The following KCNH8 variants were observed in gnomAD, a reference collection of about 807,000 sequenced individuals.
KCNH8 encodes potassium voltage-gated channel subfamily H member 8.
KCNH8 carries 70 observed loss-of-function variants against 103.6 expected under a neutral mutation model. That is an observed-to-expected ratio of 0.68 (90% CI 0.56 to 0.82). KCNH8 has a LOEUF of 0.82. Among genes scored for constraint, KCNH8 ranks in the 40% least tolerant of loss-of-function variants. The pLI is 0.00. For missense variants in KCNH8, 1,217 were observed against 1,329.9 expected (o/e 0.92, Z 1.32); for synonymous variants, 498 against 489.4 (o/e 1.02, Z -0.23).
At chr3:19,193,502 T>A (rs1359057421) in intron 1 of KCNH8, among the ~76,000 whole-genome samples, 1 of 151,710 alleles carries the variant, frequency 6.6e-6, no homozygotes, top group African/African-American at 2.4e-5. Context: ...GATGAATAGA[T>A]AAGACACGAT....
intron 3 of KCNH8, among the ~76,000 whole-genome samples, chr3:19,340,093 A>G (rs936759675): frequency 6.6e-6 from 1 of 152,076 alleles, no homozygotes; most frequent in African/African-American, 2.4e-5. Flanking sequence ...TACTTATTTC[A>G]TAGGATATTT....
At chr3:19,253,135 C>T (rs1219424230) in intron 1 of KCNH8, among the ~76,000 whole-genome samples, 3 of 152,146 alleles carry the variant, frequency 2.0e-5, no homozygotes, top group African/African-American at 7.2e-5. Flanking sequence ...CCCTTTTTAA[C>T]TTACCCTTTA....
intron 1 of KCNH8, among the ~76,000 whole-genome samples, chr3:19,204,221 T>G (rs1323640676): frequency 1.3e-5 from 2 of 152,078 alleles, no homozygotes; most frequent in African/African-American, 4.8e-5. Flanking sequence ...TCTGTCTCTG[T>G]CTTTCCTCTG....
At chr3:19,254,204 A>G (rs1473111821) in intron 2 of KCNH8, among the ~76,000 whole-genome samples, 1 of 152,142 alleles carries the variant, frequency 6.6e-6, no homozygotes, top group Non-Finnish European at 1.5e-5. Context: ...CGTTATGTAT[A>G]ATAGTTATTT....
chr3:19,416,620 G>A (rs948428476), intron 7 of KCNH8, among the ~76,000 whole-genome samples: 10 of 152,082 alleles, frequency 6.6e-5, no homozygotes, highest in South Asian at 2.1e-4. Context: ...CTTCAATAGC[G>A]CTCTTTCTGT....
At chr3:19,366,667 G>A (rs1393334783) in intron 5 of KCNH8, among the ~76,000 whole-genome samples, 2 of 151,770 alleles carry the variant, frequency 1.3e-5, no homozygotes, top group Admixed American at 1.3e-4. Flanking sequence ...TTTTCTTAAA[G>A]TATAAAAAAA....
intron 5 of KCNH8, among the ~76,000 whole-genome samples, chr3:19,360,878 C>CCATTTACAATAATTCCATTG (rs1553641415): frequency 6.6e-6 from 1 of 151,822 alleles, no homozygotes; most frequent in Non-Finnish European, 1.5e-5. Flanking sequence ...TGAGGAAGTA[C>CCATTTACAATAATTCCATTG]AGGCAAATTA....
chr3:19,431,164 A>G (rs538324353), intron 7 of KCNH8, among the ~76,000 whole-genome samples: 150 of 152,190 alleles, frequency 9.9e-4, no homozygotes, highest in African/African-American at 3.4e-3. Flanking sequence ...TTCCTTCAAT[A>G]CTTAGTTTAT....
intron 1 of KCNH8, among the ~76,000 whole-genome samples, chr3:19,152,612 A>ATTT (rs1318581772): frequency 6.6e-6 from 1 of 152,202 alleles, no homozygotes; most frequent in African/African-American, 2.4e-5. Flanking sequence ...GCACTTCTAT[A>ATTT]TAGCCTGTTT....
At chr3:19,325,701 T>C (rs901697054) in intron 3 of KCNH8, among the ~76,000 whole-genome samples, 4 of 152,142 alleles carry the variant, frequency 2.6e-5, no homozygotes, top group Non-Finnish European at 4.4e-5. Flanking sequence ...TTGGTGATGT[T>C]ATGGAGTAAA....
intron 13 of KCNH8, among the ~76,000 whole-genome samples, chr3:19,513,669 C>T (rs2068825580): frequency 6.6e-6 from 1 of 152,204 alleles, no homozygotes; most frequent in South Asian, 2.1e-4. Flanking sequence ...CAATGTTATC[C>T]CCTCAATGCT....
intron 3 of KCNH8, among the ~76,000 whole-genome samples, chr3:19,330,314 C>G (rs1267147919): frequency 6.6e-6 from 1 of 152,148 alleles, no homozygotes; most frequent in Non-Finnish European, 1.5e-5. Context: ...TTATATTCCA[C>G]AAATACTTCC....
At chr3:19,393,873 T>A (rs1225266045) in intron 6 of KCNH8, among the ~76,000 whole-genome samples, 1 of 152,148 alleles carries the variant, frequency 6.6e-6, no homozygotes, top group Admixed American at 6.6e-5. Flanking sequence ...GATATCAATT[T>A]CTACGCTGAG....
chr3:19,390,692 T>A (rs1171933844), intron 6 of KCNH8, 54 bp downstream of exon 6: 9 of 1,538,622 alleles, frequency 5.8e-6, no homozygotes, highest in Non-Finnish European at 4.4e-6. Context: ...ATTTATCGCA[T>A]GTTCAGGTTT....
intron 1 of KCNH8, among the ~76,000 whole-genome samples, chr3:19,217,872 G>A (rs1443098839): frequency 3.9e-5 from 6 of 152,084 alleles, no homozygotes; most frequent in African/African-American, 1.4e-4. Context: ...AGTTTGTTTG[G>A]GACTATGGTA....
chr3:19,226,568 C>G (rs564289866), intron 1 of KCNH8, among the ~76,000 whole-genome samples: 1 of 151,722 alleles, frequency 6.6e-6, no homozygotes, highest in East Asian at 1.9e-4. Flanking sequence ...CTCTCTCTCT[C>G]TGTTTCTTTC....
chr3:19,338,478 C>T (rs1329151123), intron 3 of KCNH8, among the ~76,000 whole-genome samples: 1 of 151,822 alleles, frequency 6.6e-6, no homozygotes, highest in Non-Finnish European at 1.5e-5. Flanking sequence ...TTATTATTGT[C>T]CTTTTTGTGG....
intron 1 of KCNH8, among the ~76,000 whole-genome samples, chr3:19,233,480 C>A (rs1237247718): frequency 6.6e-6 from 1 of 152,004 alleles, no homozygotes; most frequent in Non-Finnish European, 1.5e-5. Context: ...GTTAAATATT[C>A]TTTCATGAAT....
At chr3:19,498,031 T>C (rs539774992) in intron 11 of KCNH8, among the ~76,000 whole-genome samples, 17 of 152,312 alleles carry the variant, frequency 1.1e-4, no homozygotes, top group Non-Finnish European at 2.1e-4. Context: ...TGGTTTAAAG[T>C]CTGTTTTGTC....
Sources: gnomAD v4.1 joint callset for allele counts (sites outside exome capture counted in the v4.1 genomes callset) on GRCh38, gnomAD v4.1.1 for gene constraint, MANE v1.5 for transcripts, NCBI Gene and HGNC (gene_info 2026-07-23, HGNC 2026-07-21) for gene names.